The following PKP2 variants were observed in gnomAD, a reference collection of about 807,000 sequenced individuals.
The protein encoded by PKP2 is plakophilin-2.
Under a neutral mutation model 83.4 loss-of-function variants are expected in PKP2, and 73 were observed. The ratio of observed to expected loss-of-function variants is 0.88; its 90% CI spans 0.72 to 1.06. The LOEUF (loss-of-function observed/expected upper bound fraction) is 1.06, where lower values mean the gene tolerates loss of function less well. Among genes scored for constraint, PKP2 ranks in the 50% least tolerant of loss-of-function variants. The pLI, the probability that PKP2 is intolerant of heterozygous loss-of-function variation, is 0.00. For synonymous variants in PKP2, 409 were observed against 430.4 expected (o/e 0.95, Z 0.62); for missense variants, 966 against 1,065.4 (o/e 0.91, Z 1.30).
chr12:32,830,012 ATGG>A (rs1013359919), intron 6 of PKP2, among the ~76,000 whole-genome samples: 1 of 152,158 alleles, frequency 6.6e-6, no homozygotes, highest in African/African-American at 2.4e-5. Context: ...GATCACCTCA[ATGG>A]TTTTAAAAAA....
At chr12:32,847,822 C>T (rs761410280) in intron 5 of PKP2, among the ~76,000 whole-genome samples, 23 of 151,988 alleles carry the variant, frequency 1.5e-4, no homozygotes, top group Non-Finnish European at 2.6e-4. Context: ...AAATCCAACG[C>T]GGGTGCAGTG....
intron 4 of PKP2, among the ~76,000 whole-genome samples, chr12:32,866,174 A>G (rs1017485526): frequency 3.3e-5 from 5 of 152,184 alleles, no homozygotes; most frequent in African/African-American, 1.2e-4. Flanking sequence ...ATTCAATAAT[A>G]AGAAAACAAA....
chr12:32,896,456 G>C, intron 1 of PKP2, 53 bp downstream of exon 1: 1 of 1,331,246 alleles, frequency 7.5e-7, no homozygotes, highest in Non-Finnish European at 1.0e-6. Flanking sequence ...ATAGGAGGAG[G>C]TGACCGGGTG....
At chr12:32,895,346 T>TAC (rs1957112997) in intron 1 of PKP2, among the ~76,000 whole-genome samples, 1 of 152,234 alleles carries the variant, frequency 6.6e-6, no homozygotes, top group African/African-American at 2.4e-5. Flanking sequence ...AGGATTCTTT[T>TAC]ACACACACAG....
chr12:32,824,189 A>G (rs746658541), intron 6 of PKP2, 27 bp from the exon 7 acceptor site: 13 of 1,449,774 alleles, frequency 9.0e-6, no homozygotes, highest in Non-Finnish European at 1.2e-5. Flanking sequence ...AAAACAAAAA[A>G]GTAAGTCTAG....
intron 4 of PKP2, among the ~76,000 whole-genome samples, chr12:32,855,645 G>T (rs1448656929): frequency 6.6e-6 from 1 of 151,682 alleles, no homozygotes; most frequent in African/African-American, 2.4e-5. Context: ...GTGTGGTGGC[G>T]CAAGCCTGTA....
chr12:32,806,925 A>G (rs1257428166), intron 9 of PKP2, among the ~76,000 whole-genome samples: 2 of 152,160 alleles, frequency 1.3e-5, no homozygotes, highest in Non-Finnish European at 2.9e-5. Context: ...CATTAATTTC[A>G]TACAACTTCT....
chr12:32,869,749 G>A (rs555441785), intron 3 of PKP2, among the ~76,000 whole-genome samples: 1 of 152,300 alleles, frequency 6.6e-6, no homozygotes, highest in Non-Finnish European at 1.5e-5. Flanking sequence ...GCTGGGCACG[G>A]TGGCTCACAT....
chr12:32,847,723 C>T (rs1956659517), intron 5 of PKP2, among the ~76,000 whole-genome samples: 2 of 152,154 alleles, frequency 1.3e-5, no homozygotes. Flanking sequence ...AACACCAATC[C>T]AAAGCCTATT....
At chr12:32,889,383 T>G (rs1957058362) in intron 1 of PKP2, among the ~76,000 whole-genome samples, 1 of 152,234 alleles carries the variant, frequency 6.6e-6, no homozygotes, top group Non-Finnish European at 1.5e-5. Context: ...GAAAGTTCAC[T>G]CTAGCAGCTG....
chr12:32,807,629 T>A (rs58699667), intron 9 of PKP2, among the ~76,000 whole-genome samples: 7,651 of 152,292 alleles, frequency 0.05, 627 homozygotes, highest in African/African-American at 0.17. Flanking sequence ...CTGTCACTGG[T>A]CTGTGTACTT....
intron 4 of PKP2, among the ~76,000 whole-genome samples, chr12:32,862,376 G>A (rs187377395): frequency 3.3e-4 from 50 of 152,306 alleles, no homozygotes; most frequent in African/African-American, 1.2e-3. Context: ...GCCAGGCATG[G>A]TGGCTCACAC....
chr12:32,804,197 T>C (rs1393483873), intron 9 of PKP2, among the ~76,000 whole-genome samples: 1 of 152,150 alleles, frequency 6.6e-6, no homozygotes, highest in African/African-American at 2.4e-5. Flanking sequence ...TGAAAAGCAA[T>C]TGAGGGACCA....
intron 9 of PKP2, among the ~76,000 whole-genome samples, chr12:32,810,431 T>C (rs988469033): frequency 1.3e-5 from 2 of 152,104 alleles, no homozygotes; most frequent in African/African-American, 2.4e-5. Context: ...GTCGACATAG[T>C]TGTAGGCCAG....
At chr12:32,885,152 A>C (rs536924334) in intron 1 of PKP2, among the ~76,000 whole-genome samples, 1 of 152,174 alleles carries the variant, frequency 6.6e-6, no homozygotes, top group Non-Finnish European at 1.5e-5. Context: ...ATGGTGAAGG[A>C]GGTCTGTTTG....
intron 3 of PKP2, among the ~76,000 whole-genome samples, chr12:32,874,720 C>T (rs1317491828): frequency 6.6e-6 from 1 of 152,108 alleles, no homozygotes; most frequent in East Asian, 1.9e-4. Flanking sequence ...TTTCTCCTTC[C>T]TTTAATTCCT....
intron 10 of PKP2, among the ~76,000 whole-genome samples, chr12:32,800,873 G>A (rs1167975435): frequency 6.6e-6 from 1 of 152,182 alleles, no homozygotes; most frequent in Admixed American, 6.5e-5. Context: ...TTGAGAAAAT[G>A]TAAGTTTCAA....
intron 9 of PKP2, among the ~76,000 whole-genome samples, chr12:32,812,302 C>G (rs1256386694): frequency 1.3e-5 from 2 of 152,014 alleles, no homozygotes; most frequent in African/African-American, 4.8e-5. Context: ...GATGCTCAAC[C>G]TACATTGCTG....
chr12:32,882,769 T>C (rs1410580525), intron 1 of PKP2, among the ~76,000 whole-genome samples: 1 of 152,206 alleles, frequency 6.6e-6, no homozygotes, highest in Non-Finnish European at 1.5e-5. Context: ...CTATCATCTC[T>C]GTTTATAAAT....
Sources: gnomAD v4.1 joint callset for allele counts (sites outside exome capture counted in the v4.1 genomes callset) on GRCh38, gnomAD v4.1.1 for gene constraint, MANE v1.5 for transcripts, NCBI Gene and HGNC (gene_info 2026-07-23, HGNC 2026-07-21) for gene names.